NT5C1B: variants seen among roughly 807,000 people sequenced by gnomAD.
NT5C1B encodes 5'-nucleotidase, cytosolic IB.
A neutral mutation model predicts 57.8 loss-of-function variants in NT5C1B; 44 were observed. The ratio of observed to expected loss-of-function variants is 0.76; its 90% CI spans 0.60 to 0.98. NT5C1B has a LOEUF of 0.98. Among genes scored for constraint, NT5C1B ranks in the 50% least tolerant of loss-of-function variants. The pLI, the probability that NT5C1B is intolerant of heterozygous loss-of-function variation, is 0.00. For missense variants in NT5C1B, 742 were observed against 719.5 expected, an observed-to-expected ratio of 1.03 and a Z score of -0.36; for synonymous variants, 284 against 282.6, an observed-to-expected ratio of 1.00 and a Z score of -0.05.
At chr2:18,586,463 A>G in intron 2 of NT5C1B, 72 bp from the exon 3 acceptor site, 3 of 1,584,564 alleles carry the variant, frequency 1.9e-6, no homozygotes, top group East Asian at 2.2e-5. Flanking sequence ...TGCCTGCAGA[A>G]TAGTCATGTC....
exon 1 of NT5C1B, chr2:18,589,517 C>G: frequency 6.2e-7 from 1 of 1,613,504 alleles, no homozygotes; most frequent in Non-Finnish European, 8.5e-7. Context: ...TTTTGTCTCC[C>G]CAGCTCCATT....
Position 18,564,121 on chromosome 2 carries a change from T to G in NT5C1B, c.1330-2A>C. 1 of 1,554,504 alleles carries G rather than the reference T, an allele frequency of 6.4e-7. No individual in the cohort carries two copies. Among genetic ancestry groups the G allele is most frequent in the Non-Finnish European group, 8.7e-7 (1 of 1,150,026 alleles). ...TTCCAGAAAGCCTTTTAGGGGACCC[T>G]GTAAAAGGAACATATATCACAGCTG... On this transcript the variant is annotated splice_acceptor_variant, in intron 8 of 8. Transcript: ENST00000304081. LOFTEE classifies it high-confidence loss of function.
chr2:18,586,040 C>G (rs1666677010), intron 3 of NT5C1B, among the ~76,000 whole-genome samples: 1 of 152,088 alleles, frequency 6.6e-6, no homozygotes, highest in African/African-American at 2.4e-5. Context: ...AGCTCTACCA[C>G]TTATTAATGT....
intron 8 of NT5C1B, among the ~76,000 whole-genome samples, chr2:18,574,918 A>G (rs1057453232): frequency 2.6e-5 from 4 of 152,092 alleles, no homozygotes; most frequent in African/African-American, 4.8e-5. Flanking sequence ...GTATATGTCC[A>G]AATTCATCAA....
At chr2:18,578,773 A>G (rs1006140509) in intron 6 of NT5C1B, among the ~76,000 whole-genome samples, 3 of 152,186 alleles carry the variant, frequency 2.0e-5, no homozygotes, top group East Asian at 1.9e-4. Flanking sequence ...TGTATTCAAC[A>G]TAGTCCTTGA....
chr2:18,579,122 C>CG (rs1665955989), intron 6 of NT5C1B, among the ~76,000 whole-genome samples: 1 of 151,740 alleles, frequency 6.6e-6, no homozygotes, highest in African/African-American at 2.4e-5. Context: ...CAAAACACTG[C>CG]GGAAAAAAAA....
intron 6 of NT5C1B, among the ~76,000 whole-genome samples, chr2:18,581,739 AAGG>A (rs1315166873): frequency 6.6e-6 from 1 of 152,174 alleles, no homozygotes; most frequent in Admixed American, 6.5e-5. Context: ...CCCTCTTCTT[AAGG>A]AGATCACAGT....
intron 8 of NT5C1B, among the ~76,000 whole-genome samples, chr2:18,571,025 G>C (rs1333507613): frequency 6.6e-6 from 1 of 152,138 alleles, no homozygotes; most frequent in African/African-American, 2.4e-5. Context: ...GCTAGAAAGA[G>C]AAGGTAGCTC....
chr2:18,587,492 G>A lies in NT5C1B; in HGVS notation c.120+11C>T, dbSNP rs377302410. ...TTAATTTCCTCACCTCTGCTACAGA[G>A]ATCAGCTCACCTGATTGCTCAGACG... On this transcript the variant is annotated intron_variant, in intron 2 of 8. Coordinates refer to ENST00000304081, the Ensembl canonical transcript of NT5C1B. The A allele has an allele frequency of 6.2e-7, 1 of 1,612,518 alleles. No homozygotes were observed. The highest frequency in any genetic ancestry group is 1.3e-5 in the African/African-American group (1 of 74,830).
intron 1 of NT5C1B, 91 bp downstream of exon 1, chr2:18,589,348 C>T: frequency 1.3e-6 from 2 of 1,540,284 alleles, no homozygotes; most frequent in Admixed American, 3.4e-5. Context: ...ATTATTTGAT[C>T]ATTGCAGAGC....
chr2:18,577,787 G>A (rs1665838074), intron 6 of NT5C1B, among the ~76,000 whole-genome samples: 1 of 151,232 alleles, frequency 6.6e-6, no homozygotes, highest in African/African-American at 2.4e-5. Context: ...AAATTGAGAT[G>A]GGAAAAAATA....
chr2:18,585,120 C>G (rs768470296), intron 3 of NT5C1B, 142 bp from the exon 4 acceptor site: 10 of 1,091,848 alleles, frequency 9.2e-6, no homozygotes, highest in South Asian at 1.2e-5. Context: ...TTAAGGGACT[C>G]GGACATTTCT....
chr2:18,569,390 A>C (rs578139021), intron 8 of NT5C1B, among the ~76,000 whole-genome samples: 6 of 152,310 alleles, frequency 3.9e-5, no homozygotes, highest in Admixed American at 1.3e-4. Context: ...AATCCAACCA[A>C]AGCAATGATC....
intron 6 of NT5C1B, among the ~76,000 whole-genome samples, chr2:18,579,427 G>A (rs186678067): frequency 1.2e-4 from 19 of 152,156 alleles, no homozygotes; most frequent in East Asian, 3.9e-4. Context: ...GCATGGTGCC[G>A]GTATAAAAAC....
chr2:18,587,151 T>C (rs747454394), intron 2 of NT5C1B: 1 of 1,613,744 alleles, frequency 6.2e-7, no homozygotes. Flanking sequence ...CAGCGAGTGA[T>C]TCGGATTGAC....
chr2:18,580,009 G>T (rs997314793), intron 6 of NT5C1B, among the ~76,000 whole-genome samples: 1 of 152,058 alleles, frequency 6.6e-6, no homozygotes, highest in Non-Finnish European at 1.5e-5. Context: ...AGACATACAT[G>T]CAGCCAACAA....
At chr2:18,571,704 C>T (rs1665174374) in intron 8 of NT5C1B, among the ~76,000 whole-genome samples, 1 of 96,806 alleles carries the variant, frequency 1.0e-5, no homozygotes, top group African/African-American at 6.2e-5. Flanking sequence ...CTCTCTCTTT[C>T]TCTCTGTGTG....
chr2:18,565,256 T>C (rs1664541140), intron 8 of NT5C1B, among the ~76,000 whole-genome samples: 2 of 152,136 alleles, frequency 1.3e-5, no homozygotes, highest in African/African-American at 4.8e-5. Context: ...ATTTGTACGG[T>C]TGTTTTAGTT....
chr2:18,579,368 T>C (rs1050680203), intron 6 of NT5C1B, among the ~76,000 whole-genome samples: 4 of 152,046 alleles, frequency 2.6e-5, no homozygotes, highest in African/African-American at 9.7e-5. Context: ...CTGGAAGTAT[T>C]ATATAACCAA....
Sources: gnomAD v4.1 joint callset for allele counts (sites outside exome capture counted in the v4.1 genomes callset) on GRCh38, gnomAD v4.1.1 for gene constraint, MANE v1.5 for transcripts, NCBI Gene and HGNC (gene_info 2026-07-23, HGNC 2026-07-21) for gene names.